Variants in RBPMS2 observed in about 807,000 individuals in gnomAD.
RBPMS2 encodes RNA binding protein, mRNA processing factor 2.
Under a neutral mutation model 25.7 loss-of-function variants are expected in RBPMS2, and 14 were observed. The observed-to-expected ratio is 0.55, with a 90% CI of 0.36 to 0.85. The LOEUF (loss-of-function observed/expected upper bound fraction) is 0.85, where lower values mean the gene tolerates loss of function less well. Among genes scored for constraint, RBPMS2 ranks in the 40% least tolerant of loss-of-function variants. The pLI is 0.01. For missense variants in RBPMS2, 252 were observed against 283.4 expected (o/e 0.89, Z 0.80); for synonymous variants, 127 against 115.6 (o/e 1.10, Z -0.63).
rs975150092 is a variant in RBPMS2 at position 64,775,521 on chromosome 15, T to A, written c.-202A>T. On this transcript the variant is annotated 5_prime_UTR_variant, in exon 1 of 8. Coordinates refer to ENST00000300069, the MANE Select transcript of RBPMS2 (RefSeq NM_194272.3). ...GCGGGTGCGGAAGGTGGGGAGGGGG[T>A]GCGGCGGGGGAGGCAGTGGGAGCCG... is the stretch of plus-strand genomic sequence containing the variant. The A allele has an allele frequency of 1.0e-4, 10 of 98,082 alleles. No individual in the cohort carries two copies. Among genetic ancestry groups the A allele is most frequent in the Middle Eastern group, 4.5e-3 (1 of 224 alleles). The allele number at this position is 98,082 out of a possible 1,614,324, so 6.1% of individuals were successfully genotyped here.
At chr15:64,775,589 C>CG (rs1422579463), upstream of RBPMS2, 2 of 10,586 alleles carry the variant, frequency 1.9e-4, no homozygotes, top group African/African-American at 6.9e-3. Context: ...CCGGCGAGTG[C>CG]GCCGCGGCGG....
intron 3 of RBPMS2, among the ~76,000 whole-genome samples, chr15:64,749,963 A>G (rs1367338239): frequency 6.6e-6 from 1 of 151,960 alleles, no homozygotes; most frequent in Non-Finnish European, 1.5e-5. Flanking sequence ...ATAGCCCCCA[A>G]AGGCTAGCGG....
At chr15:64,761,564 G>C (rs985441965) in intron 1 of RBPMS2, among the ~76,000 whole-genome samples, 9 of 152,204 alleles carry the variant, frequency 5.9e-5, no homozygotes, top group Admixed American at 5.9e-4. Context: ...TTTGAGACAG[G>C]GTCTTGCTCT....
chr15:64,748,973 G>A (rs2083646861), intron 5 of RBPMS2, 27 bp downstream of exon 5: 1 of 1,612,920 alleles, frequency 6.2e-7, no homozygotes, highest in African/African-American at 1.3e-5. Context: ...ACTCCATGAG[G>A]GCCTGCCAGC....
At chr15:64,758,946 CTTTTATTTTTA>C (rs2083757458) in intron 1 of RBPMS2, among the ~76,000 whole-genome samples, 1 of 152,250 alleles carries the variant, frequency 6.6e-6, no homozygotes, top group South Asian at 2.1e-4. Flanking sequence ...AAAAATTAAA[CTTTTATTTTTA>C]TTTTATTTTT....
At chr15:64,741,059 G>T in intron 7 of RBPMS2, 59 bp from the exon 8 acceptor site, 1 of 757,582 alleles carries the variant, frequency 1.3e-6, no homozygotes, top group Non-Finnish European at 2.2e-6. Context: ...CTAAAGCCAG[G>T]CCTGCTCTGG....
chr15:64,775,246 G>A lies in RBPMS2; in HGVS notation c.74C>T (p.Ala25Val). 7.6e-7 allele frequency: 1 copy of A among 1,316,970 alleles called. No homozygotes were observed. Among genetic ancestry groups the A allele is most frequent in the Non-Finnish European group, 9.7e-7 (1 of 1,029,648 alleles). The allele number at this position is 1,316,970 out of a possible 1,614,324, so 81.6% of individuals were successfully genotyped here. The change falls in exon 1 of 8, where the codon GCC (alanine) becomes GTC (valine). Residue 25 changes from alanine to valine, a missense_variant. By Grantham distance (64) the Ala-to-Val change is moderately conservative. Transcript: ENST00000300069. ...GTGSGAGSGG[A>V]LEEEVRTLFV... ...CCACAGACCCACCTCCTCCTCCAGG[G>A]CGCCGCCGGAGCCCGCGCCGGAGCC...
chr15:64,761,967 C>A (rs143213864), intron 1 of RBPMS2, among the ~76,000 whole-genome samples: 38 of 152,176 alleles, frequency 2.5e-4, no homozygotes, highest in African/African-American at 9.2e-4. Flanking sequence ...GCCTCAGCAT[C>A]CCAAAGTGCT....
intron 1 of RBPMS2, among the ~76,000 whole-genome samples, chr15:64,754,741 G>A (rs563996237): frequency 8.6e-5 from 13 of 150,526 alleles, no homozygotes; most frequent in Non-Finnish European, 1.6e-4. Flanking sequence ...TTCCTACTAC[G>A]TGCCCAGCCT....
chr15:64,749,327 C>A, intron 4 of RBPMS2, 104 bp downstream of exon 4: 1 of 1,324,346 alleles, frequency 7.6e-7, no homozygotes, highest in South Asian at 1.2e-5. Flanking sequence ...CAGACAGTGT[C>A]GCCAAGGACT....
At chr15:64,750,284 G>T in intron 3 of RBPMS2, 59 bp downstream of exon 3, 2 of 1,470,782 alleles carry the variant, frequency 1.4e-6, no homozygotes, top group Non-Finnish European at 1.9e-6. Flanking sequence ...ACGGGCCCTT[G>T]TTTGAAGCTC....
intron 1 of RBPMS2, among the ~76,000 whole-genome samples, chr15:64,755,858 C>G (rs1235743793): frequency 6.8e-6 from 1 of 146,112 alleles, no homozygotes; most frequent in African/African-American, 2.5e-5. Flanking sequence ...AGGGCCCTGA[C>G]AAGCGTCCAC....
At chr15:64,747,667 C>T (rs1380925522) in intron 6 of RBPMS2, among the ~76,000 whole-genome samples, 1 of 152,202 alleles carries the variant, frequency 6.6e-6, no homozygotes, top group African/African-American at 2.4e-5. Context: ...CTCCAGTGAC[C>T]TGCACTTGTG....
At chr15:64,766,641 T>C (rs2083849092) in intron 1 of RBPMS2, among the ~76,000 whole-genome samples, 1 of 151,840 alleles carries the variant, frequency 6.6e-6, no homozygotes, top group African/African-American at 2.4e-5. Flanking sequence ...TTCTTCTGCC[T>C]CAACCTCCCT....
At chr15:64,746,273 A>G (rs984384925) in intron 6 of RBPMS2, among the ~76,000 whole-genome samples, 11 of 152,100 alleles carry the variant, frequency 7.2e-5, no homozygotes, top group Admixed American at 2.0e-4. Flanking sequence ...GGTGGCCTCT[A>G]TCCCAGTCCC....
At chr15:64,765,310 G>C (rs2083835966) in intron 1 of RBPMS2, among the ~76,000 whole-genome samples, 1 of 151,272 alleles carries the variant, frequency 6.6e-6, no homozygotes, top group South Asian at 2.1e-4. Context: ...AGCTACTCGG[G>C]AGGCTGAGGC....
At position 64,762,242 on chromosome 15, in the gene RBPMS2, G is replaced by T. The variant is rs1032860680; in HGVS notation, c.88-10604C>A. The T allele has an allele frequency of 5.8e-5, 24 of 414,746 alleles. No individual in the cohort carries two copies. In the East Asian group the frequency reaches 1.4e-3, roughly 24 times the overall value. 25.7% of individuals were successfully genotyped at this position (414,746 alleles called of 1,614,324 possible). A position where few individuals can be genotyped will look rare whatever the true frequency, so the allele number is the denominator to read the frequency against. ...GTGGGGGGTGGTCCCACTGGATGAT[G>T]CCACGGTGAATCCTACATGGTTACA... is the stretch of plus-strand genomic sequence containing the variant. On this transcript the variant is annotated intron_variant, in intron 1 of 7. Transcript: ENST00000300069.
chr15:64,743,686 C>A (rs2083586113), intron 6 of RBPMS2, among the ~76,000 whole-genome samples: 1 of 152,168 alleles, frequency 6.6e-6, no homozygotes. Flanking sequence ...CTATAGTGAC[C>A]AGGTTCCGAG....
At chr15:64,757,720 G>T (rs2083746196) in intron 1 of RBPMS2, among the ~76,000 whole-genome samples, 1 of 152,160 alleles carries the variant, frequency 6.6e-6, no homozygotes, top group South Asian at 2.1e-4. Context: ...GCCAGTACAG[G>T]GGACCATTGT....
Sources: allele counts gnomAD v4.1 joint callset (sites outside exome capture counted in the v4.1 genomes callset), GRCh38; gene constraint gnomAD v4.1.1; transcripts MANE v1.5; gene names NCBI Gene and HGNC (gene_info 2026-07-23, HGNC 2026-07-21).